RIMS2: variants seen among roughly 807,000 people sequenced by gnomAD.
The protein encoded by RIMS2 is regulating synaptic membrane exocytosis 2, also known as regulating synaptic membrane exocytosis protein 2.
Under a neutral mutation model 174.4 loss-of-function variants are expected in RIMS2, and 59 were observed. That is an observed-to-expected ratio of 0.34 (90% confidence interval 0.27 to 0.42). The LOEUF is 0.42. RIMS2 is among the 10% of genes least tolerant of loss of function. RIMS2 has a pLI of 1.00. For missense variants in RIMS2, 1,620 were observed against 1,666.3 expected, an observed-to-expected ratio of 0.97 and a Z score of 0.48; for synonymous variants, 606 against 572.5, an observed-to-expected ratio of 1.06 and a Z score of -0.84.
intron 2 of RIMS2, among the ~76,000 whole-genome samples, chr8:103,722,278 G>A (rs1023409253): frequency 6.6e-6 from 1 of 152,106 alleles, no homozygotes; most frequent in Admixed American, 6.6e-5. Context: ...GGGGTGAGGA[G>A]ATGGTTTCGG....
intron 19 of RIMS2, among the ~76,000 whole-genome samples, chr8:104,110,268 G>A (rs2098156299): frequency 6.6e-6 from 1 of 152,086 alleles, no homozygotes; most frequent in African/African-American, 2.4e-5. Flanking sequence ...CAAAGTTCAG[G>A]GTTCCTTCCA....
chr8:104,249,485 A>C lies in RIMS2; in HGVS notation c.3590-2A>C. Reference sequence around the variant, plus strand: ...ACATTTGTTCCTTCCTTCTTCCATTAGGTGACATTCAGGTAGGAATGATGG... The same window carrying C: ...ACATTTGTTCCTTCCTTCTTCCATTCGGTGACATTCAGGTAGGAATGATGG... On this transcript the variant is annotated splice_acceptor_variant, in intron 21 of 23. Coordinates refer to ENST00000504942, the Ensembl canonical transcript of RIMS2. LOFTEE classifies it high-confidence loss of function. The C allele has an allele frequency of 6.5e-7, 1 of 1,535,616 alleles. No homozygotes were observed.
chr8:103,533,677 AAAAAAG>A (rs1838412121), intron 1 of RIMS2, among the ~76,000 whole-genome samples: 1 of 148,242 alleles, frequency 6.7e-6, no homozygotes, highest in Non-Finnish European at 1.5e-5. Flanking sequence ...AAAAAAAAAA[AAAAAAG>A]AAAAAGAAAA....
chr8:103,572,273 T>C (rs754031374), intron 1 of RIMS2, among the ~76,000 whole-genome samples: 2 of 152,184 alleles, frequency 1.3e-5, no homozygotes, highest in Non-Finnish European at 2.9e-5. Flanking sequence ...TTCCACAGCA[T>C]GGAAGGGGAC....
chr8:104,226,449 G>A lies in RIMS2; in HGVS notation c.3335-18467G>A, dbSNP rs184948870. 1.1e-3 allele frequency among the ~76,000 whole-genome samples: 165 copies of A among 152,162 alleles called. 1 individual carries two copies. The highest frequency in any genetic ancestry group is 3.9e-3 in the African/African-American group (160 of 41,518). ...TCTACAGAGAGATCATATTCTTTTC[G>A]TTCATCCACTCATTCATTCATTCAA... On this transcript the variant is annotated intron_variant, in intron 19 of 23. Transcript: ENST00000504942.
intron 15 of RIMS2, among the ~76,000 whole-genome samples, chr8:103,963,720 C>T (rs910060044): frequency 6.6e-6 from 1 of 152,108 alleles, no homozygotes; most frequent in African/African-American, 2.4e-5. Context: ...CACCCATGGT[C>T]CATAGTTTAC....
intron 9 of RIMS2, among the ~76,000 whole-genome samples, chr8:103,920,409 A>T (rs2077384730): frequency 6.6e-6 from 1 of 152,090 alleles, no homozygotes; most frequent in South Asian, 2.1e-4. Flanking sequence ...CAACAACAAC[A>T]ACAAAAAAAA....
chr8:104,093,620 C>T (rs1287561799), intron 19 of RIMS2: 1 of 1,595,000 alleles, frequency 6.3e-7, no homozygotes, highest in Non-Finnish European at 8.5e-7. Flanking sequence ...AATCAGAACG[C>T]CCAGGAGGAA....
intron 19 of RIMS2, among the ~76,000 whole-genome samples, chr8:104,131,271 G>A (rs138147777): frequency 2.1e-4 from 32 of 152,220 alleles, no homozygotes; most frequent in African/African-American, 6.3e-4. Flanking sequence ...ATAATGATTG[G>A]AGTGGGCAAG....
chr8:103,869,534 G>A (rs1023163491), intron 3 of RIMS2, among the ~76,000 whole-genome samples: 1 of 151,836 alleles, frequency 6.6e-6, no homozygotes, highest in Admixed American at 6.6e-5. Context: ...TTTTGGCCAG[G>A]CTGGTCTGCA....
At chr8:103,788,626 G>A (rs140993720) in intron 3 of RIMS2, among the ~76,000 whole-genome samples, 4,741 of 152,066 alleles carry the variant, frequency 0.031, 226 homozygotes, top group African/African-American at 0.11. Context: ...CAGTTTGCCC[G>A]TTCTCAGATC....
chr8:104,007,857 G>A (rs896407389), intron 17 of RIMS2, among the ~76,000 whole-genome samples: 23 of 152,110 alleles, frequency 1.5e-4, no homozygotes, highest in Admixed American at 5.9e-4. Context: ...ACAACCTTCA[G>A]ACTGCTACAT....
At chr8:104,032,571 G>C (rs1360939002) in intron 19 of RIMS2, among the ~76,000 whole-genome samples, 1 of 151,864 alleles carries the variant, frequency 6.6e-6, no homozygotes, top group Non-Finnish European at 1.5e-5. Context: ...AATGAAAAAA[G>C]ACAAAGTGCA....
chr8:103,782,663 A>G (rs1462456480), intron 3 of RIMS2, among the ~76,000 whole-genome samples: 1 of 152,162 alleles, frequency 6.6e-6, no homozygotes, highest in Non-Finnish European at 1.5e-5. Flanking sequence ...CCAACACAAT[A>G]TTATACATCT....
chr8:103,920,535 A>T (rs575892320), intron 9 of RIMS2, among the ~76,000 whole-genome samples: 18 of 152,280 alleles, frequency 1.2e-4, no homozygotes, highest in African/African-American at 4.3e-4. Flanking sequence ...CCAATTAGGC[A>T]TACCACTCTA....
At chr8:104,084,165 G>A (rs2097486869) in intron 19 of RIMS2, among the ~76,000 whole-genome samples, 1 of 152,004 alleles carries the variant, frequency 6.6e-6, no homozygotes, top group South Asian at 2.1e-4. Context: ...CTGTGACCAG[G>A]CATGGTGGCT....
rs1168455731 is a variant in RIMS2, at chr8:103,620,355, T to C, written c.177-76731T>C. On this transcript the variant is annotated intron_variant, in intron 1 of 23. Transcript: ENST00000504942. ...ATGACAATAAACTCATAATGAAAACTCAACACCAAATTACTTTTAATTCTT... is the reference window on the plus strand; with the variant it reads ...ATGACAATAAACTCATAATGAAAACCCAACACCAAATTACTTTTAATTCTT... Among the ~76,000 whole-genome samples the C allele has an allele frequency of 2.6e-5, 4 of 152,168 alleles. 1 individual carries two copies. The highest frequency in any genetic ancestry group is 1.5e-5 in the Non-Finnish European group (1 of 67,996).
intron 20 of RIMS2, among the ~76,000 whole-genome samples, chr8:104,246,574 A>C (rs1235266101): frequency 1.3e-5 from 2 of 152,220 alleles, no homozygotes; most frequent in East Asian, 3.8e-4. Flanking sequence ...AATTTATAGT[A>C]GATTAGATAG....
rs1421683300 is a variant in RIMS2 at position 104,145,688 on chromosome 8, A to AATAAATAAATAAATAC, written c.3335-99213_3335-99212insCATAAATAAATAAATA. On this transcript the variant is annotated intron_variant, in intron 19 of 23. Coordinates refer to ENST00000504942, the Ensembl canonical transcript of RIMS2. ...TAAAAATACAATAAATAAATAAATA[A>AATAAATAAATAAATAC]ATAAATAAATAAATAAATAAATAAA... Among the ~76,000 whole-genome samples, 17 of 148,870 alleles carry AATAAATAAATAAATAC rather than the reference A, an allele frequency of 1.1e-4. No individual in the cohort carries two copies. In the South Asian group the frequency reaches 3.2e-3, roughly 28 times the overall value.
Sources: allele counts gnomAD v4.1 joint callset (sites outside exome capture counted in the v4.1 genomes callset), GRCh38; gene constraint gnomAD v4.1.1; transcripts MANE v1.5; gene names NCBI Gene and HGNC (gene_info 2026-07-23, HGNC 2026-07-21).